Variants in ITGBL1 observed in about 807,000 individuals in gnomAD.
ITGBL1 encodes integrin subunit beta like 1.
Under a neutral mutation model 68.5 loss-of-function variants are expected in ITGBL1, and 51 were observed. The observed-to-expected ratio is 0.74, with a 90% CI of 0.59 to 0.94. The LOEUF (loss-of-function observed/expected upper bound fraction) is 0.94. Among genes scored for constraint, ITGBL1 ranks in the 40% least tolerant of loss-of-function variants. ITGBL1 has a pLI of 0.00. For synonymous variants in ITGBL1, 209 were observed against 227.3 expected, an observed-to-expected ratio of 0.92 and a Z score of 0.72; for missense variants, 649 against 647.4, an observed-to-expected ratio of 1.00 and a Z score of -0.03.
intron 3 of ITGBL1, among the ~76,000 whole-genome samples, chr13:101,573,405 T>C (rs562363408): frequency 6.6e-6 from 1 of 152,244 alleles, no homozygotes; most frequent in South Asian, 2.1e-4. Flanking sequence ...TAGATAATAG[T>C]GACTTGCAAG....
chr13:101,703,613 A>T (rs904586706), intron 8 of ITGBL1, among the ~76,000 whole-genome samples: 1 of 152,188 alleles, frequency 6.6e-6, no homozygotes, highest in Admixed American at 6.5e-5. Flanking sequence ...TGTGATGGTG[A>T]TGTAAGTGGG....
chr13:101,635,781 C>T (rs1158472827), intron 7 of ITGBL1, among the ~76,000 whole-genome samples: 2 of 152,020 alleles, frequency 1.3e-5, no homozygotes, highest in Non-Finnish European at 2.9e-5. Flanking sequence ...TAAGTCATTT[C>T]AAACACTTTA....
intron 2 of ITGBL1, among the ~76,000 whole-genome samples, chr13:101,544,917 G>T (rs2049790893): frequency 6.6e-6 from 1 of 152,158 alleles, no homozygotes; most frequent in African/African-American, 2.4e-5. Flanking sequence ...GCAGTATTAG[G>T]AAAAGTGACC....
At chr13:101,705,967 A>C (rs944269507) in intron 8 of ITGBL1, among the ~76,000 whole-genome samples, 4 of 152,230 alleles carry the variant, frequency 2.6e-5, no homozygotes, top group African/African-American at 9.6e-5. Context: ...GGTAATGCAC[A>C]TATCAGGAAA....
At chr13:101,573,509 G>A (rs1239829544) in intron 3 of ITGBL1, among the ~76,000 whole-genome samples, 1 of 152,052 alleles carries the variant, frequency 6.6e-6, no homozygotes, top group African/African-American at 2.4e-5. Flanking sequence ...TTGTAAATAT[G>A]ATGAATATAC....
intron 6 of ITGBL1, among the ~76,000 whole-genome samples, chr13:101,587,141 C>T (rs533386586): frequency 2.0e-5 from 3 of 152,274 alleles, no homozygotes; most frequent in South Asian, 2.1e-4. Flanking sequence ...TTTTAATTGA[C>T]ATTCTCATTT....
chr13:101,690,590 G>T (rs953150121), intron 7 of ITGBL1, among the ~76,000 whole-genome samples: 1 of 151,996 alleles, frequency 6.6e-6, no homozygotes, highest in Non-Finnish European at 1.5e-5. Flanking sequence ...CCCACAGCCT[G>T]CATTATTGGA....
chr13:101,585,763 C>A (rs1009161577), intron 6 of ITGBL1, among the ~76,000 whole-genome samples: 1 of 152,056 alleles, frequency 6.6e-6, no homozygotes, highest in Non-Finnish European at 1.5e-5. Context: ...TTGAGATAAA[C>A]ATGATTTGAC....
chr13:101,577,286 T>C (rs2050378848), intron 4 of ITGBL1, among the ~76,000 whole-genome samples: 1 of 152,202 alleles, frequency 6.6e-6, no homozygotes, highest in African/African-American at 2.4e-5. Context: ...AGTGAAGTAG[T>C]ACAAATAGAC....
chr13:101,516,148 C>T (rs2049191744), intron 2 of ITGBL1, among the ~76,000 whole-genome samples: 1 of 151,978 alleles, frequency 6.6e-6, no homozygotes, highest in African/African-American at 2.4e-5. Context: ...TTTTGGTGCA[C>T]CTTGTATTTA....
chr13:101,518,553 A>T (rs1476653415), intron 2 of ITGBL1, among the ~76,000 whole-genome samples: 1 of 152,190 alleles, frequency 6.6e-6, no homozygotes, highest in Non-Finnish European at 1.5e-5. Context: ...TGGATTAATT[A>T]CCTGGTGAAC....
intron 2 of ITGBL1, among the ~76,000 whole-genome samples, chr13:101,458,238 A>T (rs1877511346): frequency 6.6e-6 from 1 of 152,254 alleles, no homozygotes; most frequent in Non-Finnish European, 1.5e-5. Flanking sequence ...TATGGCTAAA[A>T]GTTCTTGAGA....
chr13:101,627,082 A>G (rs2031808244), intron 7 of ITGBL1, among the ~76,000 whole-genome samples: 1 of 152,152 alleles, frequency 6.6e-6, no homozygotes, highest in South Asian at 2.1e-4. Context: ...TTAAATAAGG[A>G]TTGAAACTTG....
At position 101,583,362 on chromosome 13, in the gene ITGBL1, G is replaced by A. The variant is rs1267205557; in HGVS notation, c.868+6G>A. 2.0e-6 allele frequency: 3 copies of A among 1,498,832 alleles called. No homozygotes were observed. Among genetic ancestry groups the A allele is most frequent in the Non-Finnish European group, 1.8e-6 (2 of 1,123,260 alleles). The allele number at this position is 1,498,832 out of a possible 1,614,324, so 92.8% of individuals were successfully genotyped here. ...TTCTGATGACTTCTGTTCAGGTAAG[G>A]GCTCTTCCAATTCCTGTTTTTCTGG... On this transcript the variant is annotated splice_donor_region_variant and intron_variant, in intron 6 of 10. Coordinates refer to ENST00000376180, the MANE Select transcript of ITGBL1 (RefSeq NM_004791.3).
intron 2 of ITGBL1, 71 bp from the exon 3 acceptor site, chr13:101,567,628 G>A: frequency 7.1e-7 from 1 of 1,408,562 alleles, no homozygotes; most frequent in Non-Finnish European, 9.8e-7. Flanking sequence ...TCACTGTTAA[G>A]AGTATGTGTT....
rs192018681 is a variant in ITGBL1, at chr13:101,569,134, G to A, written c.463+1289G>A. Among the ~76,000 whole-genome samples, 197 of 150,758 alleles carry A rather than the reference G, an allele frequency of 1.3e-3. 1 individual carries two copies. Among genetic ancestry groups the A allele is most frequent in the African/African-American group, 4.1e-3 (166 of 40,856 alleles). ...CACACACACACACGCGCACGCGCGC[G>A]CATGCCCCATAGCGTCTTTCATCTT... On this transcript the variant is annotated intron_variant, in intron 3 of 10. Transcript: ENST00000376180.
At chr13:101,553,272 T>C (rs2139217058) in intron 2 of ITGBL1, among the ~76,000 whole-genome samples, 1 of 152,312 alleles carries the variant, frequency 6.6e-6, no homozygotes, top group African/African-American at 2.4e-5. Flanking sequence ...TGCCTTCTGA[T>C]GTAATTTTCA....
In ITGBL1 at chr13:101,453,417, ACT is replaced by A. The variant is rs540192736; in HGVS notation, c.99-463_99-462del. 3.9e-4 allele frequency among the ~76,000 whole-genome samples: 59 copies of A among 152,282 alleles called. 1 individual carries two copies. In the Middle Eastern group the frequency reaches 0.01, roughly 26 times the overall value. On this transcript the variant is annotated intron_variant, in intron 1 of 10. Transcript: ENST00000376180. The stretch of plus-strand genomic sequence containing the variant: ...GCCCGATGCTATCATAGCATGTCTA[ACT>A]CTTTCTATAGATTCACGTTTTCTCT...
intron 2 of ITGBL1, among the ~76,000 whole-genome samples, chr13:101,524,053 C>A (rs992896110): frequency 2.6e-5 from 4 of 151,820 alleles, no homozygotes; most frequent in Non-Finnish European, 5.9e-5. Flanking sequence ...GTGACAGAAC[C>A]ATTTTTACTG....
Sources: gnomAD v4.1 joint callset for allele counts (sites outside exome capture counted in the v4.1 genomes callset) on GRCh38, gnomAD v4.1.1 for gene constraint, MANE v1.5 for transcripts, NCBI Gene and HGNC (gene_info 2026-07-23, HGNC 2026-07-21) for gene names.